TMTC2: variants seen among roughly 807,000 people sequenced by gnomAD.
The protein encoded by TMTC2 is protein O-mannosyl-transferase TMTC2.
Under a neutral mutation model 82.4 loss-of-function variants are expected in TMTC2, and 43 were observed. The ratio of observed to expected loss-of-function variants is 0.52; its 90% CI spans 0.41 to 0.67. TMTC2 has a LOEUF of 0.67. Ranked by LOEUF, TMTC2 falls within the 30% of genes least tolerant of loss-of-function variation. The pLI, the probability that TMTC2 is intolerant of heterozygous loss-of-function variation, is 0.00. For synonymous variants in TMTC2, 408 were observed against 381.9 expected (o/e 1.07, Z -0.80); for missense variants, 919 against 1,012.4 (o/e 0.91, Z 1.25).
At chr12:82,781,802 G>A (rs1877925520) in intron 1 of TMTC2, among the ~76,000 whole-genome samples, 1 of 150,756 alleles carries the variant, frequency 6.6e-6, no homozygotes, top group Non-Finnish European at 1.5e-5. Flanking sequence ...AATTTGCATG[G>A]GTACCTTGGG....
chr12:83,116,265 A>G (rs1884758133), intron 11 of TMTC2, among the ~76,000 whole-genome samples: 1 of 151,892 alleles, frequency 6.6e-6, no homozygotes, highest in South Asian at 2.1e-4. Flanking sequence ...TTTCCTTTTT[A>G]TGGCTGAGTA....
At chr12:82,731,587 A>T (rs1874811937) in intron 1 of TMTC2, among the ~76,000 whole-genome samples, 1 of 152,242 alleles carries the variant, frequency 6.6e-6, no homozygotes, top group Non-Finnish European at 1.5e-5. Context: ...ATACTTGATA[A>T]TTAGTTTACT....
chr12:82,894,027 G>A (rs1425658999), intron 2 of TMTC2, among the ~76,000 whole-genome samples: 1 of 152,154 alleles, frequency 6.6e-6, no homozygotes, highest in Non-Finnish European at 1.5e-5. Context: ...GGAATGTGGA[G>A]GGAAGGAAAG....
chr12:83,080,500 A>G (rs577290827), intron 11 of TMTC2, among the ~76,000 whole-genome samples: 1 of 152,170 alleles, frequency 6.6e-6, no homozygotes, highest in Non-Finnish European at 1.5e-5. Flanking sequence ...ATGAAGTGTC[A>G]GCCTAACAGC....
chr12:82,887,878 G>A (rs1184731505), intron 2 of TMTC2, among the ~76,000 whole-genome samples: 2 of 152,122 alleles, frequency 1.3e-5, no homozygotes, highest in South Asian at 2.1e-4. Context: ...TTGGGAGTTC[G>A]AGACCAGCCT....
intron 1 of TMTC2, among the ~76,000 whole-genome samples, chr12:82,755,590 T>C (rs1383610712): frequency 9.2e-5 from 14 of 152,200 alleles, no homozygotes; most frequent in Admixed American, 9.2e-4. Flanking sequence ...GTTCTTTTGC[T>C]ACCATCACGT....
At chr12:82,797,945 T>A (rs970428313) in intron 1 of TMTC2, among the ~76,000 whole-genome samples, 1 of 148,378 alleles carries the variant, frequency 6.7e-6, no homozygotes, top group African/African-American at 2.5e-5. Context: ...ATTTTTTTTT[T>A]TTTTTTTTTT....
intron 1 of TMTC2, among the ~76,000 whole-genome samples, chr12:82,730,066 A>C (rs1423779788): frequency 6.6e-6 from 1 of 152,128 alleles, no homozygotes; most frequent in East Asian, 1.9e-4. Context: ...AACTCCGGAC[A>C]CGCTGCCTTT....
intron 1 of TMTC2, among the ~76,000 whole-genome samples, chr12:82,756,131 C>G (rs1303507877): frequency 6.6e-6 from 1 of 151,974 alleles, no homozygotes; most frequent in Non-Finnish European, 1.5e-5. Flanking sequence ...TTGATTATCT[C>G]CTTAGTTTTT....
At chr12:82,937,696 T>C (rs938639599) in intron 4 of TMTC2, among the ~76,000 whole-genome samples, 2 of 122,342 alleles carry the variant, frequency 1.6e-5, no homozygotes, top group South Asian at 2.8e-4. Context: ...TGAACAAATG[T>C]CAATGGTGTG....
At chr12:82,687,958 T>A (rs1872408729) in intron 1 of TMTC2, among the ~76,000 whole-genome samples, 1 of 152,214 alleles carries the variant, frequency 6.6e-6, no homozygotes, top group Admixed American at 6.5e-5. Flanking sequence ...TTTGGGAAAC[T>A]GTTTAATGAA....
At chr12:82,823,010 GA>G (rs1869204327) in intron 1 of TMTC2, among the ~76,000 whole-genome samples, 1 of 152,158 alleles carries the variant, frequency 6.6e-6, no homozygotes, top group Non-Finnish European at 1.5e-5. Context: ...AAGCTTCTTT[GA>G]AAAGGTGTTA....
intron 4 of TMTC2, among the ~76,000 whole-genome samples, chr12:82,964,589 C>T (rs1878103029): frequency 6.6e-6 from 1 of 152,210 alleles, no homozygotes; most frequent in Middle Eastern, 3.4e-3. Context: ...CAGCCAAGCA[C>T]CAATATTTCC....
At chr12:82,797,210 T>G (rs550928507) in intron 1 of TMTC2, among the ~76,000 whole-genome samples, 1 of 152,322 alleles carries the variant, frequency 6.6e-6, no homozygotes, top group African/African-American at 2.4e-5. Context: ...TTTTTATTTA[T>G]ACCACTGGAA....
chr12:82,722,207 T>C (rs1209116556), intron 1 of TMTC2, among the ~76,000 whole-genome samples: 1 of 152,022 alleles, frequency 6.6e-6, no homozygotes, highest in Non-Finnish European at 1.5e-5. Flanking sequence ...CACAGAAACA[T>C]ACTACTTCTT....
At chr12:82,740,085 T>C (rs1875320783) in intron 1 of TMTC2, among the ~76,000 whole-genome samples, 1 of 152,166 alleles carries the variant, frequency 6.6e-6, no homozygotes, top group South Asian at 2.1e-4. Flanking sequence ...GAATATATAT[T>C]CAGATGGGAA....
intron 11 of TMTC2, among the ~76,000 whole-genome samples, chr12:83,126,560 T>G (rs2137568607): frequency 6.6e-6 from 1 of 152,228 alleles, no homozygotes; most frequent in South Asian, 2.1e-4. Flanking sequence ...AAAAAGATGA[T>G]AAGGGCCTGA....
intron 3 of TMTC2, among the ~76,000 whole-genome samples, chr12:82,900,505 A>T (rs1387007642): frequency 3.1e-5 from 2 of 64,792 alleles, no homozygotes; most frequent in Non-Finnish European, 5.7e-5. Context: ...ATGTATATAC[A>T]TATCCGGAAT....
intron 1 of TMTC2, among the ~76,000 whole-genome samples, chr12:82,717,803 A>G (rs1873967554): frequency 6.6e-6 from 1 of 152,194 alleles, no homozygotes; most frequent in Non-Finnish European, 1.5e-5. Flanking sequence ...TTTAGCTTCA[A>G]TTATGTTGTA....
Sources: gnomAD v4.1 joint callset for allele counts (sites outside exome capture counted in the v4.1 genomes callset) on GRCh38, gnomAD v4.1.1 for gene constraint, MANE v1.5 for transcripts, NCBI Gene and HGNC (gene_info 2026-07-23, HGNC 2026-07-21) for gene names.